Variants in RBFOX1 observed in about 807,000 individuals in gnomAD.
RBFOX1 encodes RNA binding protein fox-1 homolog 1.
A neutral mutation model predicts 57.7 loss-of-function variants in RBFOX1; 8 were observed. The observed-to-expected ratio is 0.14, with a 90% confidence interval of 0.08 to 0.25. The LOEUF (loss-of-function observed/expected upper bound fraction) is 0.25. RBFOX1 is among the 10% of genes least tolerant of loss of function. The pLI is 1.00. For missense variants in RBFOX1, 611 were observed against 548.5 expected (o/e 1.11, Z -1.14); for synonymous variants, 326 against 222.4 (o/e 1.47, Z -4.15).
chr16:7,513,118 C>G (rs1028499970), intron 4 of RBFOX1, among the ~76,000 whole-genome samples: 2 of 152,130 alleles, frequency 1.3e-5, no homozygotes, highest in South Asian at 2.1e-4. Flanking sequence ...AAAAAATTAG[C>G]CAGTCATCAT....
At chr16:6,513,484 A>G (rs1283445624) in intron 2 of RBFOX1, among the ~76,000 whole-genome samples, 1 of 152,174 alleles carries the variant, frequency 6.6e-6, no homozygotes, top group African/African-American at 2.4e-5. Context: ...CTGTAATCTC[A>G]TCACTTTGGG....
intron 1 of RBFOX1, among the ~76,000 whole-genome samples, chr16:6,102,920 T>A (rs1343413550): frequency 6.6e-6 from 1 of 151,896 alleles, no homozygotes; most frequent in African/African-American, 2.4e-5. Flanking sequence ...AGTGATGGAG[T>A]CTGGGAATTT....
In RBFOX1 at chr16:5,988,334, A is replaced by C. The variant is rs529524025; in HGVS notation, c.351+120999A>C. On this transcript the variant is annotated intron_variant, in intron 4 of 19. Coordinates refer to the RBFOX1 transcript ENST00000641259. Reference sequence around the variant, plus strand: ...TGTGATATTCAAAATAAATGCAATAAGGAGTTGGACACAGCCATTATCCTA... The same window carrying C: ...TGTGATATTCAAAATAAATGCAATACGGAGTTGGACACAGCCATTATCCTA... Among the ~76,000 whole-genome samples the C allele has an allele frequency of 3.3e-5, 5 of 152,366 alleles. No individual in the cohort carries two copies. In the South Asian group the frequency reaches 6.2e-4, roughly 19 times the overall value.
chr16:6,119,176 A>G (rs915877439), intron 1 of RBFOX1, among the ~76,000 whole-genome samples: 1 of 152,068 alleles, frequency 6.6e-6, no homozygotes, highest in Non-Finnish European at 1.5e-5. Flanking sequence ...GATTATATAA[A>G]GAAATCATTT....
At chr16:5,340,797 T>C (rs1272860866) in intron 1 of RBFOX1, among the ~76,000 whole-genome samples, 1 of 152,148 alleles carries the variant, frequency 6.6e-6, no homozygotes, top group Non-Finnish European at 1.5e-5. Context: ...GACAGATCAA[T>C]TTCCTATTCT....
intron 2 of RBFOX1, among the ~76,000 whole-genome samples, chr16:6,397,952 G>C (rs75890143): frequency 1.1e-4 from 16 of 152,086 alleles, no homozygotes; most frequent in African/African-American, 3.4e-4. Context: ...ACTGAAAAAG[G>C]GGAATAGAGA....
At chr16:5,998,297 C>G (rs2060524982) in intron 4 of RBFOX1, among the ~76,000 whole-genome samples, 1 of 152,186 alleles carries the variant, frequency 6.6e-6, no homozygotes, top group Non-Finnish European at 1.5e-5. Flanking sequence ...ACAGCTGGAT[C>G]TATTGCAATT....
intron 2 of RBFOX1, among the ~76,000 whole-genome samples, chr16:5,548,170 A>ATATATAGATATATATATAT (rs1317008346): frequency 2.5e-5 from 1 of 40,714 alleles, no homozygotes; most frequent in Non-Finnish European, 5.4e-5. Flanking sequence ...AAAAAAAAAA[A>ATATATAGATATATATATAT]AAAAATATAT....
At chr16:6,983,032 C>G (rs1258247066) in intron 3 of RBFOX1, among the ~76,000 whole-genome samples, 2 of 142,706 alleles carry the variant, frequency 1.4e-5, no homozygotes, top group Admixed American at 7.2e-5. Flanking sequence ...AGGTGTCGAA[C>G]TGAGGCTCGA....
At chr16:6,101,925 G>A (rs1291602502) in intron 1 of RBFOX1, among the ~76,000 whole-genome samples, 2 of 152,108 alleles carry the variant, frequency 1.3e-5, no homozygotes, top group African/African-American at 4.8e-5. Flanking sequence ...TCCACGAATA[G>A]TGCACTGCAG....
At chr16:7,546,573 A>G (rs1037547990) in intron 5 of RBFOX1, among the ~76,000 whole-genome samples, 1 of 152,146 alleles carries the variant, frequency 6.6e-6, no homozygotes, top group Non-Finnish European at 1.5e-5. Flanking sequence ...AGGCTTTGCA[A>G]TGTTTGACAA....
chr16:7,236,723 G>T (rs1489109925), intron 4 of RBFOX1, among the ~76,000 whole-genome samples: 1 of 151,962 alleles, frequency 6.6e-6, no homozygotes, highest in African/African-American at 2.4e-5. Flanking sequence ...GCCACTGCAA[G>T]CACGCACCAG....
chr16:6,534,680 C>T (rs148199424), intron 2 of RBFOX1, among the ~76,000 whole-genome samples: 7 of 152,236 alleles, frequency 4.6e-5, no homozygotes, highest in East Asian at 3.9e-4. Context: ...TATAAAAGTA[C>T]TTGCTTCCTT....
intron 1 of RBFOX1, among the ~76,000 whole-genome samples, chr16:6,102,209 G>T (rs1165241408): frequency 1.4e-5 from 2 of 146,422 alleles, no homozygotes; most frequent in Non-Finnish European, 3.0e-5. Context: ...ACCCAGAAAT[G>T]CATTTAGTGG....
intron 2 of RBFOX1, among the ~76,000 whole-genome samples, chr16:5,569,328 C>G (rs1192687243): frequency 2.0e-5 from 3 of 151,364 alleles, no homozygotes; most frequent in African/African-American, 7.3e-5. Context: ...GATTTTCTCT[C>G]ACCTCAGGCA....
chr16:7,262,475 T>C (rs2094956064), intron 4 of RBFOX1, among the ~76,000 whole-genome samples: 1 of 152,248 alleles, frequency 6.6e-6, no homozygotes. Context: ...TGTGGATCTA[T>C]GTATTAAAAT....
intron 1 of RBFOX1, among the ~76,000 whole-genome samples, chr16:6,307,288 C>T (rs1367472219): frequency 6.6e-6 from 1 of 152,036 alleles, no homozygotes; most frequent in Non-Finnish European, 1.5e-5. Context: ...GAGGCTGAGG[C>T]AGGAGAATGG....
chr16:5,549,752 A>G (rs1299391875), intron 2 of RBFOX1, among the ~76,000 whole-genome samples: 1 of 152,290 alleles, frequency 6.6e-6, no homozygotes, highest in South Asian at 2.1e-4. Flanking sequence ...TAAAATAAAC[A>G]TCTCATTTCA....
At chr16:7,629,778 C>T (rs1330459733) in intron 10 of RBFOX1, among the ~76,000 whole-genome samples, 2 of 152,196 alleles carry the variant, frequency 1.3e-5, no homozygotes, top group Admixed American at 1.3e-4. Flanking sequence ...AACCCAGTGC[C>T]CTTCGCTTTA....
Sources: allele counts gnomAD v4.1 joint callset (sites outside exome capture counted in the v4.1 genomes callset), GRCh38; gene constraint gnomAD v4.1.1; transcripts MANE v1.5; gene names NCBI Gene and HGNC (gene_info 2026-07-23, HGNC 2026-07-21).